The following DENND2B variants were observed in gnomAD, a reference collection of about 807,000 sequenced individuals.
DENND2B encodes DENN domain containing 2B, also known as DENN domain-containing protein 2B.
DENND2B carries 32 observed loss-of-function variants against 116.0 expected under a neutral mutation model. The observed-to-expected ratio is 0.28, with a 90% CI of 0.21 to 0.37. DENND2B has a LOEUF of 0.37. DENND2B is among the 10% of genes least tolerant of loss of function. The pLI, the probability that DENND2B is intolerant of heterozygous loss-of-function variation, is 1.00. For synonymous variants in DENND2B, 588 were observed against 583.9 expected, an observed-to-expected ratio of 1.01 and a Z score of -0.10; for missense variants, 1,276 against 1,477.7, an observed-to-expected ratio of 0.86 and a Z score of 2.24.
intron 4 of DENND2B, among the ~76,000 whole-genome samples, chr11:8,838,202 C>T (rs1405891127): frequency 6.6e-6 from 1 of 152,246 alleles, no homozygotes; most frequent in African/African-American, 2.4e-5. Context: ...CTGCCTCTTG[C>T]CTGTCTAGTC....
At chr11:8,900,929 A>G (rs2064159753) in intron 1 of DENND2B, among the ~76,000 whole-genome samples, 1 of 151,428 alleles carries the variant, frequency 6.6e-6, no homozygotes, top group African/African-American at 2.4e-5. Context: ...AGATCATGCC[A>G]TTGCACTCCA....
upstream of DENND2B, among the ~76,000 whole-genome samples, chr11:8,813,772 C>T (rs1195359237): frequency 6.6e-6 from 1 of 152,104 alleles, no homozygotes; most frequent in Non-Finnish European, 1.5e-5. Flanking sequence ...CCCCTAGTGG[C>T]ATGCTGGAGT....
intron 4 of DENND2B, chr11:8,718,635 G>A (rs1189471713): frequency 1.5e-6 from 2 of 1,313,660 alleles, no homozygotes; most frequent in Non-Finnish European, 1.9e-6. Flanking sequence ...CTCTCCTGCT[G>A]TGACACAGGG....
At chr11:8,828,399 G>C (rs1365486273) in intron 4 of DENND2B, among the ~76,000 whole-genome samples, 1 of 152,136 alleles carries the variant, frequency 6.6e-6, no homozygotes, top group African/African-American at 2.4e-5. Context: ...CCAGGATGCA[G>C]CACTTCTCTG....
upstream of DENND2B, among the ~76,000 whole-genome samples, chr11:8,814,762 T>G (rs2061511177): frequency 6.6e-6 from 1 of 152,244 alleles, no homozygotes; most frequent in Admixed American, 6.5e-5. Flanking sequence ...CCCTGCACTT[T>G]GTGCAGGGCC....
At chr11:8,718,104 A>ACCCCCCCC (rs1258754367) in intron 4 of DENND2B, 292 of 59,548 alleles carry the variant, frequency 4.9e-3, no homozygotes, top group African/African-American at 1.0e-2. Context: ...CCACCCCCCC[A>ACCCCCCCC]CCCCCCCCAA....
chr11:8,845,199 T>TG (rs1246062448), intron 3 of DENND2B: 38 of 152,340 alleles, frequency 2.5e-4, no homozygotes, highest in African/African-American at 8.9e-4. Context: ...GCATTAATTT[T>TG]TCATTTTTAT....
rs1351778069 is a variant in DENND2B at position 8,757,228 on chromosome 11, C to T, written c.-25-6503G>A. 1.3e-5 allele frequency: 5 copies of T among 379,662 alleles called. No individual in the cohort carries two copies. The East Asian group carries it at 3.7e-4, about 28-fold the overall frequency. 23.5% of individuals were successfully genotyped at this position (379,662 alleles called of 1,614,324 possible). ...TATAACAGCCATAATAGCAATATGA[C>T]CTACCTCCCATGATTGCCCTGTCTG... On this transcript the variant is annotated intron_variant, in intron 1 of 19. Coordinates refer to ENST00000313726, the MANE Select transcript of DENND2B (RefSeq NM_213618.2).
chr11:8,813,600 CAGTT>C (rs1447178589), upstream of DENND2B, among the ~76,000 whole-genome samples: 3 of 152,154 alleles, frequency 2.0e-5, no homozygotes, highest in Non-Finnish European at 4.4e-5. Context: ...GTAGTAACAT[CAGTT>C]AACACTTGTT....
At chr11:8,815,720 G>A (rs970798166) in intron 4 of DENND2B, among the ~76,000 whole-genome samples, 2 of 152,146 alleles carry the variant, frequency 1.3e-5, no homozygotes, top group African/African-American at 2.4e-5. Context: ...TTACTATAGC[G>A]TTGATATCAC....
chr11:8,707,732 C>T lies in DENND2B; in HGVS notation c.2430+45G>A, dbSNP rs1565658660. On this transcript the variant is annotated intron_variant, in intron 12 of 19. Coordinates refer to ENST00000313726, the MANE Select transcript of DENND2B (RefSeq NM_213618.2). This position sits in a 1 kb window ranked among gnomAD's most constrained non-coding sequence, Gnocchi z 4.8. Reference sequence around the variant, plus strand: ...CTGGCTGCAGATACTCCTGTGGGAGCTGTCAGCTGGGGGACGGGGAGGGAA... The same window carrying T: ...CTGGCTGCAGATACTCCTGTGGGAGTTGTCAGCTGGGGGACGGGGAGGGAA... The T allele has an allele frequency of 1.3e-6, 2 of 1,561,484 alleles. No homozygotes were observed. Among genetic ancestry groups the T allele is most frequent in the East Asian group, 4.6e-5 (2 of 43,340 alleles).
intron 3 of DENND2B, among the ~76,000 whole-genome samples, chr11:8,728,007 ACG>A (rs1277243089): frequency 9.1e-6 from 1 of 109,314 alleles, no homozygotes; most frequent in African/African-American, 3.4e-5. Context: ...ACACACACAC[ACG>A]CAAATTTTTT....
intron 1 of DENND2B, chr11:8,809,239 G>T (rs1269594439): frequency 6.6e-6 from 1 of 152,252 alleles, no homozygotes; most frequent in Non-Finnish European, 1.5e-5. Flanking sequence ...ACTCATTTTA[G>T]GGAGCCGGAA....
chr11:8,848,581 A>C (rs1056652235), intron 3 of DENND2B, among the ~76,000 whole-genome samples: 6 of 152,198 alleles, frequency 3.9e-5, no homozygotes, highest in African/African-American at 1.4e-4. Flanking sequence ...GTGGTTATAG[A>C]TTTTTAAAGT....
upstream of DENND2B, among the ~76,000 whole-genome samples, chr11:8,876,301 T>C (rs1387827243): frequency 6.6e-6 from 1 of 152,124 alleles, no homozygotes; most frequent in African/African-American, 2.4e-5. Context: ...TTACTGAGGT[T>C]TTAATATAAA....
chr11:8,815,716 T>C (rs546615935), intron 4 of DENND2B, among the ~76,000 whole-genome samples: 1 of 152,238 alleles, frequency 6.6e-6, no homozygotes, highest in Non-Finnish European at 1.5e-5. Context: ...GCCTTTACTA[T>C]AGCGTTGATA....
At chr11:8,758,347 C>T (rs1011218947) in intron 1 of DENND2B, among the ~76,000 whole-genome samples, 5 of 152,144 alleles carry the variant, frequency 3.3e-5, no homozygotes, top group Admixed American at 1.3e-4. Context: ...GGAACGCACA[C>T]ACCACGGGAT....
At chr11:8,767,509 C>T (rs2056061515) in intron 1 of DENND2B, among the ~76,000 whole-genome samples, 1 of 152,094 alleles carries the variant, frequency 6.6e-6, no homozygotes, top group South Asian at 2.1e-4. Context: ...GAATACGTTC[C>T]AGAGGACAAG....
At chr11:8,846,557 A>G (rs756010530) in intron 3 of DENND2B, among the ~76,000 whole-genome samples, 9 of 152,144 alleles carry the variant, frequency 5.9e-5, no homozygotes, top group Admixed American at 1.3e-4. Context: ...GAACCTACAG[A>G]TGGGAACAAA....
Sources: allele counts gnomAD v4.1 joint callset (sites outside exome capture counted in the v4.1 genomes callset), GRCh38; gene constraint gnomAD v4.1.1; non-coding constraint Gnocchi (gnomAD v3.1); transcripts MANE v1.5; gene names NCBI Gene and HGNC (gene_info 2026-07-23, HGNC 2026-07-21).